Variants in NKAIN3 observed in about 807,000 individuals in gnomAD.
NKAIN3 encodes the protein sodium/potassium-transporting ATPase subunit beta-1-interacting protein 3.
In NKAIN3, 25 loss-of-function variants were observed where a neutral mutation model predicts 30.2. The ratio of observed to expected loss-of-function variants is 0.83; its 90% confidence interval spans 0.60 to 1.16. The LOEUF (loss-of-function observed/expected upper bound fraction) is 1.16, where lower values mean the gene tolerates loss of function less well. Among genes scored for constraint, NKAIN3 ranks in the 50% most tolerant of loss-of-function variants. The pLI, the probability that NKAIN3 is intolerant of heterozygous loss-of-function variation, is 0.00. For synonymous variants in NKAIN3, 91 were observed against 89.6 expected, an observed-to-expected ratio of 1.02 and a Z score of -0.09; for missense variants, 225 against 254.1, an observed-to-expected ratio of 0.89 and a Z score of 0.78.
chr8:62,887,676 C>T (rs1821189273), intron 4 of NKAIN3, among the ~76,000 whole-genome samples: 2 of 152,138 alleles, frequency 1.3e-5, no homozygotes, highest in Non-Finnish European at 2.9e-5. Flanking sequence ...ATGAGCCCAA[C>T]AAAAGCATCC....
In NKAIN3 at chr8:62,676,103, A is replaced by G. The variant is rs533065071; in HGVS notation, c.274-70829A>G. Among the ~76,000 whole-genome samples, 4 of 152,328 alleles carry G rather than the reference A, an allele frequency of 2.6e-5. No individual in the cohort carries two copies. In the East Asian group the frequency reaches 7.7e-4, roughly 29 times the overall value. ...AAGGATATTTCATTTAATGTTCACA[A>G]AAATCTTATGAGGTAGCTAGGTAAC... On this transcript the variant is annotated intron_variant, in intron 3 of 6. Coordinates refer to ENST00000623646, the MANE Select transcript of NKAIN3 (RefSeq NM_001304533.3).
intron 1 of NKAIN3, among the ~76,000 whole-genome samples, chr8:62,506,130 G>T (rs1243207918): frequency 1.0e-5 from 1 of 96,332 alleles, no homozygotes; most frequent in Admixed American, 1.1e-4. Flanking sequence ...GATAAATCAG[G>T]ATAACCTCCC....
intron 3 of NKAIN3, among the ~76,000 whole-genome samples, chr8:62,703,908 G>A (rs967406894): frequency 2.0e-5 from 3 of 152,114 alleles, no homozygotes. Context: ...GTTTATGACT[G>A]TTACCCTACC....
chr8:62,482,883 G>C (rs1806770596), intron 1 of NKAIN3: 1 of 152,264 alleles, frequency 6.6e-6, no homozygotes, highest in Admixed American at 6.5e-5. Flanking sequence ...TGTTTTTGGA[G>C]AAGGGAGTCA....
intron 1 of NKAIN3, among the ~76,000 whole-genome samples, chr8:62,283,879 G>T (rs1040865029): frequency 6.6e-6 from 1 of 151,922 alleles, no homozygotes; most frequent in Non-Finnish European, 1.5e-5. Flanking sequence ...ACATATGAAA[G>T]GTTTTTTATT....
At chr8:62,461,270 G>A (rs1742921737) in intron 1 of NKAIN3, among the ~76,000 whole-genome samples, 4 of 152,232 alleles carry the variant, frequency 2.6e-5, no homozygotes, top group African/African-American at 7.2e-5. Flanking sequence ...ATACAGCAAA[G>A]AATGTGTACT....
At chr8:62,687,867 TC>T (rs1813846543) in intron 3 of NKAIN3, among the ~76,000 whole-genome samples, 1 of 152,254 alleles carries the variant, frequency 6.6e-6, no homozygotes, top group Non-Finnish European at 1.5e-5. Flanking sequence ...TAGCAAGCTT[TC>T]TCTGATTGCT....
chr8:62,417,716 C>G (rs531353125), intron 1 of NKAIN3, among the ~76,000 whole-genome samples: 1 of 152,068 alleles, frequency 6.6e-6, no homozygotes, highest in Non-Finnish European at 1.5e-5. Context: ...ATTTCTTTGA[C>G]GATCAATGAT....
Position 62,618,862 on chromosome 8 carries a change from C to T in NKAIN3, c.273+29068C>T, listed in dbSNP as rs561240108. On this transcript the variant is annotated intron_variant, in intron 3 of 6. Transcript: ENST00000623646. Reference sequence around the variant, plus strand: ...CAGAGGTTGCAGTGAGCTGAGATCGCGCCACGGCACCCCAGCCTGGGCGAC... The same window carrying T: ...CAGAGGTTGCAGTGAGCTGAGATCGTGCCACGGCACCCCAGCCTGGGCGAC... Among the ~76,000 whole-genome samples, 263 of 151,880 alleles carry T rather than the reference C, an allele frequency of 1.7e-3. 1 individual carries two copies. The highest frequency in any genetic ancestry group is 2.9e-3 in the Admixed American group (44 of 15,238).
At chr8:62,911,009 C>T (rs1052974177) in intron 4 of NKAIN3, among the ~76,000 whole-genome samples, 2 of 151,996 alleles carry the variant, frequency 1.3e-5, no homozygotes, top group African/African-American at 2.4e-5. Context: ...TTAGAAAACA[C>T]CAAAATACGT....
At chr8:62,254,748 TG>T (rs1265544928) in intron 1 of NKAIN3, among the ~76,000 whole-genome samples, 1 of 152,226 alleles carries the variant, frequency 6.6e-6, no homozygotes, top group Admixed American at 6.5e-5. Flanking sequence ...ACATAAGCAG[TG>T]ATTTCCGTGG....
At chr8:62,760,262 A>C (rs1215115023) in intron 4 of NKAIN3, among the ~76,000 whole-genome samples, 12 of 152,170 alleles carry the variant, frequency 7.9e-5, no homozygotes, top group Admixed American at 3.9e-4. Context: ...TTGACCCAGC[A>C]ATCCCATTAC....
At chr8:62,292,936 A>G (rs1268507903) in intron 1 of NKAIN3, among the ~76,000 whole-genome samples, 2 of 148,640 alleles carry the variant, frequency 1.3e-5, no homozygotes, top group East Asian at 4.0e-4. Context: ...GTTTCTTTTT[A>G]CTCTTTTTTT....
intron 1 of NKAIN3, among the ~76,000 whole-genome samples, chr8:62,407,499 GTGATTCTCC>G (rs1406678551): frequency 6.9e-6 from 1 of 144,118 alleles, no homozygotes; most frequent in African/African-American, 2.5e-5. Context: ...CCGAGTTCAA[GTGATTCTCC>G]TGCTTCAGTC....
intron 3 of NKAIN3, among the ~76,000 whole-genome samples, chr8:62,705,722 G>A (rs977078068): frequency 2.9e-4 from 44 of 151,672 alleles, no homozygotes; most frequent in African/African-American, 9.5e-4. Flanking sequence ...TGAATTTTTC[G>A]CTTGTGCACT....
intron 1 of NKAIN3, among the ~76,000 whole-genome samples, chr8:62,271,309 CT>C (rs1415249968): frequency 2.0e-5 from 3 of 152,094 alleles, no homozygotes; most frequent in Non-Finnish European, 2.9e-5. Context: ...TTACTGTTGT[CT>C]TTAAGCACAA....
chr8:62,727,235 C>T (rs771920641), intron 3 of NKAIN3, among the ~76,000 whole-genome samples: 7 of 152,030 alleles, frequency 4.6e-5, no homozygotes, highest in Non-Finnish European at 1.0e-4. Context: ...AACTCTATTG[C>T]TAACATCATA....
chr8:62,480,263 A>T (rs1018768023), intron 1 of NKAIN3, among the ~76,000 whole-genome samples: 1 of 151,782 alleles, frequency 6.6e-6, no homozygotes, highest in Non-Finnish European at 1.5e-5. Flanking sequence ...TAGATCTCAC[A>T]TGTTCTCACC....
At chr8:62,547,240 C>G (rs1389864042) in intron 1 of NKAIN3, among the ~76,000 whole-genome samples, 3 of 150,928 alleles carry the variant, frequency 2.0e-5, no homozygotes, top group Non-Finnish European at 4.4e-5. Flanking sequence ...GTGATTTCAA[C>G]CCTGTCCTTA....
Sources: gnomAD v4.1 joint callset for allele counts (sites outside exome capture counted in the v4.1 genomes callset) on GRCh38, gnomAD v4.1.1 for gene constraint, MANE v1.5 for transcripts, NCBI Gene and HGNC (gene_info 2026-07-23, HGNC 2026-07-21) for gene names.